LARGE1: variants seen among roughly 807,000 people sequenced by gnomAD.
LARGE1 encodes the protein LARGE xylosyl- and glucuronyltransferase 1, also known as xylosyl- and glucuronyltransferase LARGE1.
LARGE1 carries 43 observed loss-of-function variants against 87.6 expected under a neutral mutation model. The ratio of observed to expected loss-of-function variants is 0.49; its 90% confidence interval spans 0.38 to 0.63. The LOEUF is 0.63. LARGE1 is among the 30% of genes least tolerant of loss of function. The pLI, the probability that LARGE1 is intolerant of heterozygous loss-of-function variation, is 0.00. For missense variants in LARGE1, 802 were observed against 1,000.2 expected (o/e 0.80, Z 2.67); for synonymous variants, 434 against 394.6 (o/e 1.10, Z -1.18).
chr22:33,562,342 A>AT (rs1474431550), intron 6 of LARGE1, among the ~76,000 whole-genome samples: 2 of 152,204 alleles, frequency 1.3e-5, no homozygotes, highest in African/African-American at 4.8e-5. Context: ...CTGGTGATAG[A>AT]TAAAAACGCA....
chr22:33,907,613 G>A (rs2065492451), intron 1 of LARGE1, among the ~76,000 whole-genome samples: 1 of 150,772 alleles, frequency 6.6e-6, no homozygotes, highest in African/African-American at 2.4e-5. Context: ...CACCCAGGCT[G>A]GAGTAGCGCA....
At chr22:33,290,590 C>T (rs1389842015) in intron 12 of LARGE1, among the ~76,000 whole-genome samples, 3 of 152,106 alleles carry the variant, frequency 2.0e-5, no homozygotes, top group Admixed American at 6.6e-5. Context: ...GAGGAGTCAC[C>T]GGCAGTTGGA....
At chr22:33,579,339 G>T (rs1331558873) in intron 5 of LARGE1, among the ~76,000 whole-genome samples, 1 of 152,228 alleles carries the variant, frequency 6.6e-6, no homozygotes, top group Non-Finnish European at 1.5e-5. Flanking sequence ...CACCATGATT[G>T]TGAGGCATCC....
intron 1 of LARGE1, among the ~76,000 whole-genome samples, chr22:33,896,485 T>C (rs1482449224): frequency 6.6e-6 from 1 of 152,218 alleles, no homozygotes; most frequent in Non-Finnish European, 1.5e-5. Flanking sequence ...AGGGGCACAT[T>C]TGAGGCCAAA....
At chr22:33,792,846 A>C (rs1177103860) in intron 1 of LARGE1, among the ~76,000 whole-genome samples, 2 of 152,136 alleles carry the variant, frequency 1.3e-5, no homozygotes, top group Admixed American at 6.5e-5. Flanking sequence ...CCCCTTTCTC[A>C]CTGTGTTCAG....
At chr22:33,477,816 T>C (rs2148170604) in intron 6 of LARGE1, among the ~76,000 whole-genome samples, 1 of 152,310 alleles carries the variant, frequency 6.6e-6, no homozygotes, top group South Asian at 2.1e-4. Flanking sequence ...TTCCATTTCA[T>C]TGCAGTAAAA....
At chr22:33,415,667 T>C (rs1014888604) in intron 7 of LARGE1, among the ~76,000 whole-genome samples, 1 of 152,188 alleles carries the variant, frequency 6.6e-6, no homozygotes, top group African/African-American at 2.4e-5. Context: ...CTGCAGAGAA[T>C]GTAGCAAGGC....
chr22:33,643,463 AC>A (rs2080507379), intron 3 of LARGE1, among the ~76,000 whole-genome samples: 1 of 152,208 alleles, frequency 6.6e-6, no homozygotes, highest in African/African-American at 2.4e-5. Context: ...TAAAATTGAC[AC>A]CCTAACAACT....
intron 6 of LARGE1, among the ~76,000 whole-genome samples, chr22:33,445,962 C>G (rs2067672344): frequency 2.0e-5 from 3 of 152,180 alleles, no homozygotes; most frequent in Admixed American, 2.0e-4. Flanking sequence ...AAGGGGGCCA[C>G]TCTTACTAGG....
Position 33,497,329 on chromosome 22 carries a change from G to A in LARGE1, c.788-65064C>T, listed in dbSNP as rs189424163. Among the ~76,000 whole-genome samples, 19 of 152,174 alleles carry A rather than the reference G, an allele frequency of 1.2e-4. No individual in the cohort carries two copies. The East Asian group carries it at 2.1e-3, about 17-fold the overall frequency. Reference sequence around the variant, plus strand: ...CACCTCAAGTGATCCACCCACCTTGGCCTCCCAAAGTGCTGGGATTACAGG... The same window carrying A: ...CACCTCAAGTGATCCACCCACCTTGACCTCCCAAAGTGCTGGGATTACAGG... On this transcript the variant is annotated intron_variant, in intron 6 of 14. Coordinates refer to ENST00000397394, the MANE Select transcript of LARGE1 (RefSeq NM_133642.5).
chr22:33,480,679 T>C (rs1452346426), intron 6 of LARGE1, among the ~76,000 whole-genome samples: 2 of 152,174 alleles, frequency 1.3e-5, no homozygotes, highest in Admixed American at 6.5e-5. Flanking sequence ...ATTCCTTTCA[T>C]AAAATGTGCA....
At chr22:33,456,637 C>T (rs2068143288) in intron 6 of LARGE1, among the ~76,000 whole-genome samples, 1 of 152,126 alleles carries the variant, frequency 6.6e-6, no homozygotes, top group South Asian at 2.1e-4. Flanking sequence ...TAAATGCAAC[C>T]TTTTAGCTCC....
At chr22:33,303,817 G>T (rs1007373451) in intron 12 of LARGE1, among the ~76,000 whole-genome samples, 1 of 150,544 alleles carries the variant, frequency 6.6e-6, no homozygotes, top group Admixed American at 6.6e-5. Context: ...TAGGGGGGGG[G>T]TTTCACCATG....
chr22:33,719,560 A>T (rs1449386867), intron 2 of LARGE1, among the ~76,000 whole-genome samples: 1 of 151,450 alleles, frequency 6.6e-6, no homozygotes, highest in Middle Eastern at 3.2e-3. Flanking sequence ...TCACTCTGTC[A>T]CCCAGGCTGG....
At chr22:33,743,798 T>C (rs1274951008) in intron 2 of LARGE1, among the ~76,000 whole-genome samples, 2 of 152,238 alleles carry the variant, frequency 1.3e-5, no homozygotes, top group Non-Finnish European at 2.9e-5. Flanking sequence ...AAGTTCATTA[T>C]TCTACAATCC....
intron 11 of LARGE1, among the ~76,000 whole-genome samples, chr22:33,210,572 A>C (rs1000134074): frequency 3.3e-5 from 5 of 152,224 alleles, no homozygotes; most frequent in Admixed American, 3.3e-4. Context: ...CCCCGCCACC[A>C]GGCCCGCTGC....
chr22:33,860,252 A>C (rs763620421), intron 1 of LARGE1, among the ~76,000 whole-genome samples: 1 of 152,084 alleles, frequency 6.6e-6, no homozygotes, highest in African/African-American at 2.4e-5. Context: ...TCAGCTTCCC[A>C]AAGTGTTAGG....
intron 2 of LARGE1, among the ~76,000 whole-genome samples, chr22:33,698,035 C>T (rs900913569): frequency 6.6e-6 from 1 of 152,198 alleles, no homozygotes; most frequent in Admixed American, 6.5e-5. Context: ...TCTGCAGTGG[C>T]TTCTCACACT....
chr22:33,600,575 T>C (rs2079087381), intron 5 of LARGE1, among the ~76,000 whole-genome samples: 1 of 152,128 alleles, frequency 6.6e-6, no homozygotes, highest in Admixed American at 6.5e-5. Context: ...TGTTATTCAT[T>C]AGCAATGGGG....
Sources: gnomAD v4.1 joint callset for allele counts (sites outside exome capture counted in the v4.1 genomes callset) on GRCh38, gnomAD v4.1.1 for gene constraint, MANE v1.5 for transcripts, NCBI Gene and HGNC (gene_info 2026-07-23, HGNC 2026-07-21) for gene names.